Variants in CCDC92B observed in about 807,000 individuals in gnomAD.
CCDC92B encodes coiled-coil domain-containing 92B.
In CCDC92B, 2 loss-of-function variants were observed where a neutral mutation model predicts 5.6. The observed-to-expected ratio is 0.36, with a 90% confidence interval of 0.15 to 1.12. The LOEUF (loss-of-function observed/expected upper bound fraction) is 1.12. Among genes scored for constraint, CCDC92B ranks in the 50% most tolerant of loss-of-function variants. The pLI, the probability that CCDC92B is intolerant of heterozygous loss-of-function variation, is 0.40. For synonymous variants in CCDC92B, 115 were observed against 122.3 expected, an observed-to-expected ratio of 0.94 and a Z score of 0.39; for missense variants, 271 against 262.2, an observed-to-expected ratio of 1.03 and a Z score of -0.23.
At chr17:2,729,514 ATT>A (rs1393544809) in intron 3 of CCDC92B, among the ~76,000 whole-genome samples, 1 of 151,332 alleles carries the variant, frequency 6.6e-6, no homozygotes, top group Admixed American at 6.6e-5. Flanking sequence ...AAAAAAAAAA[ATT>A]ACTGTGTCCC....
chr17:2,728,614 A>AC (rs397796963), intron 3 of CCDC92B, among the ~76,000 whole-genome samples: 2 of 151,370 alleles, frequency 1.3e-5, no homozygotes, highest in Non-Finnish European at 2.9e-5. Context: ...AAAAAAAAAA[A>AC]CAAAAAAAAC....
intron 2 of CCDC92B, among the ~76,000 whole-genome samples, chr17:2,731,122 G>A (rs947593168): frequency 5.3e-5 from 8 of 152,192 alleles, no homozygotes; most frequent in East Asian, 1.9e-4. Context: ...CGAGCAGGAC[G>A]GTGCGGTCTA....
At chr17:2,741,915 C>T (rs1357206110) in intron 1 of CCDC92B, among the ~76,000 whole-genome samples, 7 of 143,790 alleles carry the variant, frequency 4.9e-5, no homozygotes, top group African/African-American at 1.0e-4. Context: ...GAAACCAGGA[C>T]GCGGAGGTTG....
chr17:2,741,872 G>A (rs2070931071), intron 1 of CCDC92B, among the ~76,000 whole-genome samples: 1 of 149,940 alleles, frequency 6.7e-6, no homozygotes, highest in Admixed American at 6.7e-5. Context: ...GATCACAGGC[G>A]TGAGCCACCG....
At chr17:2,737,982 A>G (rs534419843) in intron 1 of CCDC92B, among the ~76,000 whole-genome samples, 1 of 152,176 alleles carries the variant, frequency 6.6e-6, no homozygotes, top group Non-Finnish European at 1.5e-5. Context: ...AAGGGGTGGC[A>G]GAGCCAATTC....
chr17:2,734,466 C>T (rs1220351279), intron 2 of CCDC92B, among the ~76,000 whole-genome samples: 7 of 149,676 alleles, frequency 4.7e-5, no homozygotes, highest in Non-Finnish European at 1.0e-4. Flanking sequence ...GATTTGGATC[C>T]TAGGAGTCCT....
chr17:2,745,682 C>T (rs767350906), intron 1 of CCDC92B, among the ~76,000 whole-genome samples: 7 of 152,162 alleles, frequency 4.6e-5, no homozygotes, highest in South Asian at 2.1e-4. Flanking sequence ...GGAAAACGTC[C>T]GATTTTCCCA....
intron 3 of CCDC92B, among the ~76,000 whole-genome samples, chr17:2,725,318 G>T (rs1212352790): frequency 6.6e-6 from 1 of 152,006 alleles, no homozygotes; most frequent in African/African-American, 2.4e-5. Flanking sequence ...GGGAGGCGGA[G>T]GTTGCAGTGA....
chr17:2,748,323 T>G, intron 1 of CCDC92B: 2 of 1,236,960 alleles, frequency 1.6e-6, no homozygotes, highest in Non-Finnish European at 1.1e-6. Flanking sequence ...CCATCCCTGA[T>G]CCCCCACCAA....
intron 1 of CCDC92B, among the ~76,000 whole-genome samples, chr17:2,736,167 C>CA (rs943279460): frequency 7.2e-5 from 11 of 152,256 alleles, no homozygotes; most frequent in African/African-American, 2.6e-4. Context: ...CGGTGGCTCA[C>CA]ACAGTAATCC....
At chr17:2,733,315 A>G (rs1321653808) in intron 2 of CCDC92B, among the ~76,000 whole-genome samples, 1 of 148,134 alleles carries the variant, frequency 6.8e-6, no homozygotes, top group Non-Finnish European at 1.5e-5. Flanking sequence ...GCTGGAGTGC[A>G]ATGGCATGAT....
chr17:2,725,169 T>A (rs916328898), intron 3 of CCDC92B, among the ~76,000 whole-genome samples, 169 bp from the exon 4 acceptor site: 2 of 151,712 alleles, frequency 1.3e-5, no homozygotes, highest in Middle Eastern at 3.2e-3. Flanking sequence ...AGGTCAGGAG[T>A]TCGAGACCAG....
intron 3 of CCDC92B, among the ~76,000 whole-genome samples, chr17:2,728,473 G>A (rs550158365): frequency 2.0e-5 from 3 of 152,186 alleles, no homozygotes; most frequent in South Asian, 4.1e-4. Flanking sequence ...GGGCGTGGTG[G>A]CGGGCGCCTG....
Position 2,749,593 on chromosome 17 carries a change from C to T in CCDC92B, c.-206G>A, listed in dbSNP as rs1314185839. The T allele has an allele frequency of 1.6e-5, 2 of 124,548 alleles. No homozygotes were observed. The highest frequency in any genetic ancestry group is 4.4e-4 in the East Asian group (2 of 4,518). The allele number at this position is 124,548 out of a possible 1,614,324, so 7.7% of individuals were successfully genotyped here. On this transcript the variant is annotated 5_prime_UTR_variant, in exon 1 of 4. Transcript: ENST00000614400. ...GCCGGGGCTCCGGGGGGCTCGGGGG[C>T]GCCGAAGGGGGGTCGGGGGCGGGCT...
rs1025137478 is a variant in CCDC92B at position 2,722,646 on chromosome 17, G to C, written c.*1765C>G. 1.3e-5 allele frequency: 2 copies of C among 152,272 alleles called. No homozygotes were observed. The highest frequency in any genetic ancestry group is 4.8e-5 in the African/African-American group (2 of 41,454). The allele number at this position is 152,272 out of a possible 1,614,324, so 9.4% of individuals were successfully genotyped here. A position where few individuals can be genotyped will look rare whatever the true frequency, so the allele number is the denominator to read the frequency against. Reference sequence around the variant, plus strand: ...CCCCTTCTTCATGGGGCTGTGATGGGAGAAGAGCTCGTCACCCCTAGAGCT... The same window carrying C: ...CCCCTTCTTCATGGGGCTGTGATGGCAGAAGAGCTCGTCACCCCTAGAGCT... On this transcript the variant is annotated 3_prime_UTR_variant, in exon 4 of 4. Coordinates refer to ENST00000614400, the MANE Select transcript of CCDC92B (RefSeq NM_001355573.2).
Position 2,724,592 on chromosome 17 carries a change from CG to C in CCDC92B, c.586del (p.Arg196AlafsTer200). On this transcript the variant is annotated frameshift_variant, in exon 4 of 4. Transcript: ENST00000614400. LOFTEE classifies it low-confidence loss of function (END_TRUNC). The surrounding 1 kb of genome is among the most constrained non-coding windows in gnomAD (Gnocchi z 5.0). ...GPGRDWAAWD[R>X]GAGALDDADP... The stretch of plus-strand genomic sequence containing the variant: ...GGCGTCGTCGAGGGCGCCGGCCCCG[CG>C]GTCCCAGGCGGCCCAGTCCCGGCCG... 4 of 981,954 alleles carry C rather than the reference CG, an allele frequency of 4.1e-6. No individual in the cohort carries two copies. The highest frequency in any genetic ancestry group is 4.8e-6 in the Non-Finnish European group (4 of 828,436). The allele number at this position is 981,954 out of a possible 1,614,324, so 60.8% of individuals were successfully genotyped here.
chr17:2,732,864 T>C (rs1400031944), intron 2 of CCDC92B, among the ~76,000 whole-genome samples: 1 of 150,820 alleles, frequency 6.6e-6, no homozygotes, highest in African/African-American at 2.4e-5. Context: ...ATACAAAAAA[T>C]TAGCCGGGCG....
intron 1 of CCDC92B, chr17:2,748,560 G>T (rs1198390242): frequency 6.1e-6 from 6 of 984,450 alleles, no homozygotes; most frequent in Non-Finnish European, 4.8e-6. Flanking sequence ...GAATGCACCT[G>T]GCTTCTGTAC....
chr17:2,733,738 C>A (rs1352847745), intron 2 of CCDC92B, among the ~76,000 whole-genome samples: 1 of 131,036 alleles, frequency 7.6e-6, no homozygotes, highest in African/African-American at 2.9e-5. Flanking sequence ...GAATCAGGAC[C>A]ACTGGCTTTT....
Sources: allele counts gnomAD v4.1 joint callset (sites outside exome capture counted in the v4.1 genomes callset), GRCh38; gene constraint gnomAD v4.1.1; non-coding constraint Gnocchi (gnomAD v3.1); transcripts MANE v1.5; gene names NCBI Gene and HGNC (gene_info 2026-07-23, HGNC 2026-07-21).